ELP1: variants seen among roughly 807,000 people sequenced by gnomAD.
ELP1 encodes elongator acetyltransferase complex subunit 1.
Under a neutral mutation model 183.2 loss-of-function variants are expected in ELP1, and 131 were observed. The ratio of observed to expected loss-of-function variants is 0.72; its 90% CI spans 0.62 to 0.83. ELP1 has a LOEUF of 0.83. Ranked by LOEUF, ELP1 falls within the 40% of genes least tolerant of loss-of-function variation. The pLI is 0.00. For missense variants in ELP1, 1,550 were observed against 1,594.9 expected (o/e 0.97, Z 0.48); for synonymous variants, 555 against 569.0 (o/e 0.98, Z 0.35).
rs770386904 is a variant in ELP1 at position 108,922,933 on chromosome 9, G to C, written c.467-6C>G. The C allele has an allele frequency of 1.9e-6, 3 of 1,606,130 alleles. No individual in the cohort carries two copies. Among genetic ancestry groups the C allele is most frequent in the African/African-American group, 2.7e-5 (2 of 74,736 alleles). ...TCCAACAGTGATAAACTTGCCTACAGAACAATTGGCAAGACAACTAATAAG... is the reference window on the plus strand; with the variant it reads ...TCCAACAGTGATAAACTTGCCTACACAACAATTGGCAAGACAACTAATAAG... On this transcript the variant is annotated splice_region_variant and splice_polypyrimidine_tract_variant and intron_variant, in intron 5 of 36. Transcript: ENST00000374647.
intron 6 of ELP1, among the ~76,000 whole-genome samples, chr9:108,921,241 T>C (rs983461445): frequency 2.6e-5 from 4 of 152,052 alleles, no homozygotes; most frequent in Non-Finnish European, 5.9e-5. Context: ...AAACCCCATA[T>C]CCATTAGCAG....
In ELP1 at chr9:108,869,033, C is replaced by T. The variant is rs1827337150; in HGVS notation, c.*82G>A. 1 of 1,191,948 alleles carries T rather than the reference C, an allele frequency of 8.4e-7. No individual in the cohort carries two copies. The highest frequency in any genetic ancestry group is 1.3e-6 in the Non-Finnish European group (1 of 794,388). The allele number at this position is 1,191,948 out of a possible 1,614,324, so 73.8% of individuals were successfully genotyped here. On this transcript the variant is annotated 3_prime_UTR_variant, in exon 37 of 37. Coordinates refer to ENST00000374647, the MANE Select transcript of ELP1 (RefSeq NM_003640.5). ...ACTCTTTCCAGTTCTCAATAGCCAGCCCTCAAAGAGCAAGGGGTGGTAGGA... is the reference window on the plus strand; with the variant it reads ...ACTCTTTCCAGTTCTCAATAGCCAGTCCTCAAAGAGCAAGGGGTGGTAGGA...
At chr9:108,929,684 C>T in intron 3 of ELP1, 85 bp downstream of exon 3, 3 of 1,352,928 alleles carry the variant, frequency 2.2e-6, no homozygotes, top group Non-Finnish European at 3.2e-6. Flanking sequence ...ACTATTATGG[C>T]TACTGATTTG....
chr9:108,932,360 A>C (rs933684640), intron 1 of ELP1, among the ~76,000 whole-genome samples: 1 of 151,278 alleles, frequency 6.6e-6, no homozygotes, highest in African/African-American at 2.4e-5. Flanking sequence ...TTGTTTTTTG[A>C]GACGGAGTTT....
At chr9:108,872,600 C>G (rs970827710) in intron 36 of ELP1, among the ~76,000 whole-genome samples, 5 of 151,454 alleles carry the variant, frequency 3.3e-5, no homozygotes, top group African/African-American at 7.3e-5. Context: ...GTCAGGAGAT[C>G]GAGACCATCC....
At chr9:108,879,376 A>C in intron 33 of ELP1, 70 bp downstream of exon 33, 2 of 1,168,302 alleles carry the variant, frequency 1.7e-6, no homozygotes, top group Non-Finnish European at 2.6e-6. Context: ...GTAGAAAACC[A>C]ATCTATTTGC....
At chr9:108,881,669 C>T in intron 31 of ELP1, 36 bp downstream of exon 31, 1 of 1,322,350 alleles carries the variant, frequency 7.6e-7, no homozygotes, top group Non-Finnish European at 1.1e-6. Flanking sequence ...TCACCTTCTT[C>T]CAAATGAGGA....
rs1828330448 is a variant in ELP1 at position 108,891,397 on chromosome 9, C to T, written c.2966G>A (p.Ser989Asn). The T allele has an allele frequency of 1.9e-6, 3 of 1,613,252 alleles. No individual in the cohort carries two copies. Among genetic ancestry groups the T allele is most frequent in the Admixed American group, 1.7e-5 (1 of 60,002 alleles). ...CATCAGGTGCTCCCCATAAGCAATG[C>T]TGATATCCTGTGACAAGAGGAGATT... ...SPSSQQYQDI[S>N]IAYGEHLMQE... is the part of the protein sequence containing the mutation. Residue 989 changes from serine (S) to asparagine (N), a missense_variant, in exon 28 of 37, where the codon AGC (serine) becomes AAC (asparagine). Physicochemically the swap from Ser to Asn is conservative, Grantham distance 46. Coordinates refer to ENST00000374647, the MANE Select transcript of ELP1 (RefSeq NM_003640.5).
At chr9:108,879,041 T>C (rs936804249) in intron 33 of ELP1, among the ~76,000 whole-genome samples, 6 of 152,236 alleles carry the variant, frequency 3.9e-5, no homozygotes, top group Admixed American at 2.0e-4. Flanking sequence ...CAAATTACTA[T>C]ATTTGGTAAA....
chr9:108,900,404 A>C (rs367569192), intron 18 of ELP1, 29 bp from the exon 19 acceptor site: 111 of 1,498,838 alleles, frequency 7.4e-5, no homozygotes, highest in Non-Finnish European at 9.9e-5. Context: ...AATAAGCCTT[A>C]ATTATCACAA....
chr9:108,917,180 T>C (rs1283971987), intron 9 of ELP1, among the ~76,000 whole-genome samples: 1 of 152,122 alleles, frequency 6.6e-6, no homozygotes. Flanking sequence ...ATAAATCCCC[T>C]CTATAGGCCA....
At chr9:108,874,497 AG>A (rs1827620958) in intron 36 of ELP1, among the ~76,000 whole-genome samples, 1 of 152,222 alleles carries the variant, frequency 6.6e-6, no homozygotes, top group Non-Finnish European at 1.5e-5. Flanking sequence ...CTCATAAGCA[AG>A]GTTTATGAAA....
chr9:108,889,628 G>C, intron 28 of ELP1: 1 of 577,850 alleles, frequency 1.7e-6, no homozygotes, highest in Admixed American at 2.8e-5. Flanking sequence ...TCCAAAGCAT[G>C]TATATGGGAA....
In ELP1 at chr9:108,893,431, AG is replaced by A. The variant is rs1448499101; in HGVS notation, c.2861-349del. 3.3e-5 allele frequency among the ~76,000 whole-genome samples: 5 copies of A among 152,200 alleles called. 1 individual carries two copies. In the East Asian group the frequency reaches 9.6e-4, roughly 29 times the overall value. ...CTGAATCAGATTCTCCAAGGATGCCAGCAGCTGAAGGCTTAACATGCACCCC... is the reference window on the plus strand; with the variant it reads ...CTGAATCAGATTCTCCAAGGATGCCACAGCTGAAGGCTTAACATGCACCCC... On this transcript the variant is annotated intron_variant, in intron 26 of 36. Coordinates refer to ENST00000374647, the MANE Select transcript of ELP1 (RefSeq NM_003640.5).
At chr9:108,914,291 C>T (rs1197615697) in intron 10 of ELP1, among the ~76,000 whole-genome samples, 3 of 149,904 alleles carry the variant, frequency 2.0e-5, no homozygotes, top group Non-Finnish European at 4.4e-5. Flanking sequence ...CCCAGCTACT[C>T]GGGAAGCTGA....
At chr9:108,890,745 T>C (rs1175425804) in intron 28 of ELP1, among the ~76,000 whole-genome samples, 3 of 152,232 alleles carry the variant, frequency 2.0e-5, no homozygotes, top group Admixed American at 6.5e-5. Flanking sequence ...CATCCAAAAA[T>C]TCATCTTTAC....
intron 28 of ELP1, 134 bp downstream of exon 28, chr9:108,891,069 A>G: frequency 2.3e-6 from 2 of 861,960 alleles, no homozygotes; most frequent in South Asian, 1.4e-5. Flanking sequence ...AAAGCATTCT[A>G]AATTAATTTT....
intron 6 of ELP1, among the ~76,000 whole-genome samples, chr9:108,921,092 A>G (rs1829628261): frequency 6.6e-6 from 1 of 152,212 alleles, no homozygotes; most frequent in Non-Finnish European, 1.5e-5. Flanking sequence ...CATTTGAAGT[A>G]CACAATTCAA....
At chr9:108,898,442 C>G in intron 22 of ELP1, 60 bp downstream of exon 22, 1 of 1,113,864 alleles carries the variant, frequency 9.0e-7, no homozygotes, top group Non-Finnish European at 1.3e-6. Context: ...TGCTTGATTT[C>G]CTTAACAAGA....
Sources: allele counts gnomAD v4.1 joint callset (sites outside exome capture counted in the v4.1 genomes callset), GRCh38; gene constraint gnomAD v4.1.1; transcripts MANE v1.5; gene names NCBI Gene and HGNC (gene_info 2026-07-23, HGNC 2026-07-21).